The following SPINK5 variants were observed in gnomAD, a reference collection of about 807,000 sequenced individuals.
SPINK5 encodes the protein serine protease inhibitor Kazal-type 5.
Under a neutral mutation model 151.8 loss-of-function variants are expected in SPINK5, and 125 were observed. The ratio of observed to expected loss-of-function variants is 0.82; its 90% CI spans 0.71 to 0.96. The LOEUF is 0.96. SPINK5 is among the 40% of genes least tolerant of loss of function. The probability of loss-of-function intolerance (pLI) is 0.00; values close to 1 mark genes in which losing one functional copy is unlikely to be tolerated. For synonymous variants in SPINK5, 374 were observed against 395.3 expected, an observed-to-expected ratio of 0.95 and a Z score of 0.64; for missense variants, 1,194 against 1,291.9, an observed-to-expected ratio of 0.92 and a Z score of 1.16.
chr5:148,068,510 G>T (rs574105382), intron 2 of SPINK5, among the ~76,000 whole-genome samples: 1 of 133,412 alleles, frequency 7.5e-6, no homozygotes, highest in African/African-American at 2.8e-5. Context: ...GAGACTACTG[G>T]AGTTCAAGAC....
chr5:148,130,717 C>A (rs967213151), intron 30 of SPINK5, among the ~76,000 whole-genome samples: 1 of 152,122 alleles, frequency 6.6e-6, no homozygotes, highest in African/African-American at 2.4e-5. Flanking sequence ...CATGCATTAT[C>A]TGTTTTAATC....
At chr5:148,123,998 G>T in intron 27 of SPINK5, 38 bp downstream of exon 27, 1 of 1,611,672 alleles carries the variant, frequency 6.2e-7, no homozygotes, top group Non-Finnish European at 8.5e-7. Context: ...TGATAGTTGT[G>T]CCTGTTTGCT....
At chr5:148,106,034 A>T (rs1185099985) in intron 16 of SPINK5, among the ~76,000 whole-genome samples, 1 of 151,790 alleles carries the variant, frequency 6.6e-6, no homozygotes. Flanking sequence ...TTTTTTTTAA[A>T]TAAGTGTTTC....
intron 5 of SPINK5, among the ~76,000 whole-genome samples, chr5:148,086,771 TAGAC>T (rs1034174689): frequency 1.3e-5 from 2 of 151,544 alleles, no homozygotes; most frequent in African/African-American, 4.8e-5. Flanking sequence ...CTTTATGAAG[TAGAC>T]AGAATAGGGA....
At chr5:148,067,857 C>T (rs1384519306) in intron 2 of SPINK5, among the ~76,000 whole-genome samples, 2 of 152,026 alleles carry the variant, frequency 1.3e-5, no homozygotes, top group African/African-American at 2.4e-5. Context: ...TCAAGCAATC[C>T]TCCTCCCTTT....
chr5:148,072,360 A>G, intron 4 of SPINK5, 140 bp downstream of exon 4: 1 of 845,124 alleles, frequency 1.2e-6, no homozygotes, highest in East Asian at 2.7e-5. Flanking sequence ...GGGTTAGTCC[A>G]GGGGTGGGCT....
At chr5:148,096,339 C>CT (rs1554104120) in intron 10 of SPINK5, among the ~76,000 whole-genome samples, 1 of 151,948 alleles carries the variant, frequency 6.6e-6, no homozygotes, top group Non-Finnish European at 1.5e-5. Flanking sequence ...AGTCACCTGT[C>CT]TGTTTTTCTA....
intron 8 of SPINK5, among the ~76,000 whole-genome samples, chr5:148,092,406 C>G (rs1418518841): frequency 6.6e-6 from 1 of 151,926 alleles, no homozygotes; most frequent in Non-Finnish European, 1.5e-5. Context: ...AAATTTCAGT[C>G]TAAAACTTTG....
At chr5:148,099,150 G>C in intron 11 of SPINK5, 84 bp from the exon 12 acceptor site, 1 of 1,286,342 alleles carries the variant, frequency 7.8e-7, no homozygotes. Context: ...TAAGGAGGGA[G>C]AACAGTTAAC....
Position 148,094,385 on chromosome 5 carries a change from G to A in SPINK5, c.698G>A (p.Arg233Lys). 2.5e-6 allele frequency: 4 copies of A among 1,612,680 alleles called. No homozygotes were observed. The South Asian group carries it at 3.3e-5, about 13-fold the overall frequency. The change falls in exon 9 of 33, where the codon AGA becomes AAA. Residue 233 changes from arginine to lysine, a missense_variant. Physicochemically the swap from Arg to Lys is conservative, Grantham distance 26 (BLOSUM62 2). Coordinates refer to ENST00000256084, the MANE Select transcript of SPINK5 (RefSeq NM_006846.4). ...TGCAAGGAATATGAAAAACAAGTGAGAAATGGAAGGCTTTTTTGTACACGG... is the reference window on the plus strand; with the variant it reads ...TGCAAGGAATATGAAAAACAAGTGAAAAATGGAAGGCTTTTTTGTACACGG... ...DFCKEYEKQVRNGRLFCTRES... is the reference protein window; with the variant it reads ...DFCKEYEKQVKNGRLFCTRES...
intron 8 of SPINK5, among the ~76,000 whole-genome samples, chr5:148,093,961 T>C (rs542218526): frequency 2.0e-5 from 3 of 151,966 alleles, no homozygotes; most frequent in Non-Finnish European, 4.4e-5. Context: ...ATAAATCTAT[T>C]ATAAAGTTTC....
In SPINK5 at chr5:148,101,925, C is replaced by T; in HGVS notation, c.1430+17C>T. 1 of 1,613,226 alleles carries T rather than the reference C, an allele frequency of 6.2e-7. No homozygotes were observed. The highest frequency in any genetic ancestry group is 8.5e-7 in the Non-Finnish European group (1 of 1,179,444). ...GGCCTTCTTGTGAGTAGAGCAGTAG[C>T]CCCATAGCGTCTGAGGATTGAGCAG... On this transcript the variant is annotated intron_variant, in intron 15 of 32. Transcript: ENST00000256084.
intron 6 of SPINK5, chr5:148,089,291 A>C: frequency 1.5e-6 from 1 of 681,482 alleles, no homozygotes; most frequent in South Asian, 1.5e-5. Context: ...TCTGTTTACT[A>C]AATAAATGAA....
chr5:148,093,054 C>T (rs556127032), intron 8 of SPINK5, among the ~76,000 whole-genome samples: 1 of 151,962 alleles, frequency 6.6e-6, no homozygotes, highest in Admixed American at 6.6e-5. Context: ...TCATTTGACT[C>T]CTAGCCATGC....
At chr5:148,065,936 TAAGTAGCTTAGCAA>T (rs1403690936) in intron 2 of SPINK5, among the ~76,000 whole-genome samples, 1 of 152,104 alleles carries the variant, frequency 6.6e-6, no homozygotes, top group Non-Finnish European at 1.5e-5. Flanking sequence ...GACAAATTAA[TAAGTAGCTTAGCAA>T]AACATATGGT....
At position 148,118,494 on chromosome 5, in the gene SPINK5, G is replaced by A. The variant is rs749699136; in HGVS notation, c.2170G>A (p.Glu724Lys). ...AAATGGAAGACTCAGCTGTACTCGG[G>A]AGAGTGATCCTGTACGTGATGCTGA... ...MKNGRLSCTR[E>K]SDPVRDADGK... Residue 724 changes from glutamate (E) to lysine (K), a missense_variant, in exon 23 of 33, where the codon GAG becomes AAG. Physicochemically the swap from Glu to Lys is moderately conservative, Grantham distance 56. Transcript: ENST00000256084. 6.2e-7 allele frequency: 1 copy of A among 1,614,146 alleles called. No individual in the cohort carries two copies. The highest frequency in any genetic ancestry group is 2.2e-5 in the East Asian group (1 of 44,860).
chr5:148,091,251 T>C, intron 8 of SPINK5, 23 bp downstream of exon 8: 1 of 1,608,188 alleles, frequency 6.2e-7, no homozygotes, highest in Non-Finnish European at 8.5e-7. Flanking sequence ...ACCAACGCAA[T>C]TTTGTTCTTG....
chr5:148,064,022 A>G lies in SPINK5; in HGVS notation c.-23A>G. ...TGAGCAATGCATGGAGTGGACCTGT[A>G]GGCGACTTGCATCGTCTTCAACATG... On this transcript the variant is annotated 5_prime_UTR_variant, in exon 1 of 33. The change abolishes the stop of an existing upstream ORF in the 5' untranslated region. Transcript: ENST00000256084. The G allele has an allele frequency of 6.2e-7, 1 of 1,614,086 alleles. No individual in the cohort carries two copies. The highest frequency in any genetic ancestry group is 8.5e-7 in the Non-Finnish European group (1 of 1,179,984).
In SPINK5 at chr5:148,112,678, A is replaced by AAAAACC. The variant is rs113307434; in HGVS notation, c.1821-188_1821-187insAACCAA. 0.15 allele frequency among the ~76,000 whole-genome samples: 22,753 copies of AAAAACC among 151,396 alleles called. 2,331 individuals carry two copies. The highest frequency in any genetic ancestry group is 0.32 in the East Asian group (1,611 of 5,094). On this transcript the variant is annotated intron_variant, in intron 19 of 32. Transcript: ENST00000256084. ...CAGAGTGAGACTCCATCTCAAAAAA[A>AAAAACC]AACCAAAAAACAAACAAACAAAAGG...
Sources: allele counts gnomAD v4.1 joint callset (sites outside exome capture counted in the v4.1 genomes callset), GRCh38; gene constraint gnomAD v4.1.1; transcripts MANE v1.5; gene names NCBI Gene and HGNC (gene_info 2026-07-23, HGNC 2026-07-21).